CPED1: variants seen among roughly 807,000 people sequenced by gnomAD.
CPED1 encodes cadherin like and PC-esterase domain containing 1.
In CPED1, 114 loss-of-function variants were observed where a neutral mutation model predicts 128.2. The observed-to-expected ratio is 0.89, with a 90% CI of 0.76 to 1.04. The LOEUF (loss-of-function observed/expected upper bound fraction) is 1.04. CPED1 is among the 50% of genes least tolerant of loss of function. The pLI is 0.00. For missense variants in CPED1, 1,211 were observed against 1,207.1 expected, an observed-to-expected ratio of 1.00 and a Z score of -0.05; for synonymous variants, 462 against 426.7, an observed-to-expected ratio of 1.08 and a Z score of -1.02.
At chr7:121,069,226 C>T (rs9641653) in intron 5 of CPED1, among the ~76,000 whole-genome samples, 134,681 of 152,086 alleles carry the variant, frequency 0.89, 59,920 homozygotes, top group Middle Eastern at 0.98. Context: ...GAGAGGAATA[C>T]CTAACAAGTC....
intron 5 of CPED1, among the ~76,000 whole-genome samples, chr7:121,088,775 A>AAAAAAAAAAAAAAAAAAAAAAAT (rs1158006452): frequency 6.9e-6 from 1 of 144,190 alleles, no homozygotes; most frequent in African/African-American, 2.7e-5. Context: ...AAAAAAAAAA[A>AAAAAAAAAAAAAAAAAAAAAAAT]AAAAAAAAAA....
At chr7:121,239,541 T>TA (rs970005022) in intron 17 of CPED1, among the ~76,000 whole-genome samples, 25 of 152,162 alleles carry the variant, frequency 1.6e-4, no homozygotes, top group African/African-American at 5.5e-4. Context: ...GTAAACAATT[T>TA]AAAAAAATTT....
At chr7:121,274,370 T>G (rs1431748557) in intron 22 of CPED1, among the ~76,000 whole-genome samples, 2 of 152,174 alleles carry the variant, frequency 1.3e-5, no homozygotes, top group African/African-American at 4.8e-5. Flanking sequence ...GGTAAAATCA[T>G]TTAGCTTATT....
At chr7:121,163,135 A>G (rs1030020752) in intron 16 of CPED1, among the ~76,000 whole-genome samples, 2 of 152,030 alleles carry the variant, frequency 1.3e-5, no homozygotes, top group Non-Finnish European at 2.9e-5. Context: ...TCCAGTCTCA[A>G]CTCTCCTCAT....
At chr7:121,008,505 A>C (rs1484387544) in intron 2 of CPED1, among the ~76,000 whole-genome samples, 2 of 152,162 alleles carry the variant, frequency 1.3e-5, no homozygotes, top group African/African-American at 4.8e-5. Flanking sequence ...TAGGAAGATA[A>C]ATTACTGATT....
chr7:121,278,083 G>A (rs941106217), intron 22 of CPED1, among the ~76,000 whole-genome samples: 8 of 152,114 alleles, frequency 5.3e-5, no homozygotes, highest in African/African-American at 1.9e-4. Flanking sequence ...GTCGGGGCAA[G>A]AATTAGACTA....
At chr7:121,143,029 C>T (rs556790271) in intron 16 of CPED1, among the ~76,000 whole-genome samples, 127 of 151,996 alleles carry the variant, frequency 8.4e-4, no homozygotes, top group African/African-American at 2.9e-3. Context: ...GTAATCACCC[C>T]GCCACTGTCT....
intron 22 of CPED1, among the ~76,000 whole-genome samples, chr7:121,274,238 C>T (rs1236964872): frequency 1.3e-5 from 2 of 152,078 alleles, no homozygotes; most frequent in Non-Finnish European, 2.9e-5. Flanking sequence ...CATTAATAGC[C>T]ATGGTATTCA....
rs139026037 is a variant in CPED1, at chr7:121,188,453, A to G, written c.2055+46312A>G. Among the ~76,000 whole-genome samples, 106 of 152,304 alleles carry G rather than the reference A, an allele frequency of 7.0e-4. 1 individual carries two copies. The East Asian group carries it at 0.017, about 24-fold the overall frequency. ...TACACTCTTTATTTTAAAATGTACAATTCAGTTATGGTTTATTGTAGTCAG... is the reference window on the plus strand; with the variant it reads ...TACACTCTTTATTTTAAAATGTACAGTTCAGTTATGGTTTATTGTAGTCAG... On this transcript the variant is annotated intron_variant, in intron 16 of 22. Transcript: ENST00000310396.
At chr7:121,059,697 C>CT (rs11372248) in intron 4 of CPED1, among the ~76,000 whole-genome samples, 101,653 of 152,046 alleles carry the variant, frequency 0.67, 36,264 homozygotes, top group Admixed American at 0.81. Context: ...TATATTTTTG[C>CT]CTTATTAACA....
intron 19 of CPED1, 26 bp downstream of exon 19, chr7:121,266,473 A>G: frequency 6.5e-7 from 1 of 1,548,954 alleles, no homozygotes; most frequent in South Asian, 1.1e-5. Context: ...AATGAAAGAC[A>G]CAAAACCCAC....
chr7:121,098,104 A>G (rs943695571), intron 6 of CPED1, among the ~76,000 whole-genome samples: 1 of 152,212 alleles, frequency 6.6e-6, no homozygotes, highest in Non-Finnish European at 1.5e-5. Flanking sequence ...AACCTTGACA[A>G]TGCAAAACTA....
intron 5 of CPED1, among the ~76,000 whole-genome samples, chr7:121,068,026 A>G (rs945531315): frequency 1.2e-4 from 18 of 152,188 alleles, no homozygotes; most frequent in African/African-American, 4.3e-4. Flanking sequence ...CTTTTGTCAG[A>G]TAAGTAGATT....
intron 22 of CPED1, among the ~76,000 whole-genome samples, chr7:121,288,807 GATAAAATC>G (rs1562863813): frequency 3.9e-5 from 6 of 152,098 alleles, no homozygotes; most frequent in Admixed American, 1.3e-4. Flanking sequence ...CAGAACTCTA[GATAAAATC>G]GTATAAACAA....
At position 120,990,461 on chromosome 7, in the gene CPED1, G is replaced by A. The variant is rs148842940; in HGVS notation, c.249+591G>A. 3.1e-4 allele frequency among the ~76,000 whole-genome samples: 47 copies of A among 152,066 alleles called. 1 individual carries two copies. The East Asian group carries it at 9.1e-3, about 29-fold the overall frequency. ...TTGTTTATAGGATCAGGGAAATACA[G>A]ATTATTCTATATTTATACTATTCAG... On this transcript the variant is annotated intron_variant, in intron 2 of 22. Transcript: ENST00000310396.
chr7:121,285,149 G>A (rs1792540451), intron 22 of CPED1, among the ~76,000 whole-genome samples: 1 of 152,174 alleles, frequency 6.6e-6, no homozygotes, highest in Admixed American at 6.5e-5. Context: ...CTTGGGGCTT[G>A]AACTCTCTAA....
intron 16 of CPED1, among the ~76,000 whole-genome samples, chr7:121,206,548 G>C (rs553623032): frequency 7.2e-5 from 11 of 151,886 alleles, no homozygotes; most frequent in African/African-American, 2.4e-4. Context: ...ATCACTGCAT[G>C]TTCTTTCTAA....
chr7:121,151,416 G>A (rs1005643384), intron 16 of CPED1, among the ~76,000 whole-genome samples: 2 of 152,120 alleles, frequency 1.3e-5, no homozygotes, highest in Admixed American at 6.5e-5. Context: ...TTGAGCACTT[G>A]CTTTGTTCCA....
chr7:121,154,951 A>C (rs1796252010), intron 16 of CPED1, among the ~76,000 whole-genome samples: 1 of 152,196 alleles, frequency 6.6e-6, no homozygotes, highest in African/African-American at 2.4e-5. Flanking sequence ...CACAGATGAC[A>C]TGATCTTATA....
Sources: allele counts gnomAD v4.1 joint callset (sites outside exome capture counted in the v4.1 genomes callset), GRCh38; gene constraint gnomAD v4.1.1; transcripts MANE v1.5; gene names NCBI Gene and HGNC (gene_info 2026-07-23, HGNC 2026-07-21).